The following FHIT variants were observed in gnomAD, a reference collection of about 807,000 sequenced individuals.
FHIT encodes bis(5'-adenosyl)-triphosphatase.
Under a neutral mutation model 17.9 loss-of-function variants are expected in FHIT, and 19 were observed. The ratio of observed to expected loss-of-function variants is 1.06; its 90% CI spans 0.74 to 1.56. The LOEUF (loss-of-function observed/expected upper bound fraction) is 1.56, where lower values mean the gene tolerates loss of function less well. FHIT is among the 40% of genes most tolerant of loss of function. The pLI, the probability that FHIT is intolerant of heterozygous loss-of-function variation, is 0.00. For missense variants in FHIT, 248 were observed against 189.2 expected, an observed-to-expected ratio of 1.31 and a Z score of -1.82; for synonymous variants, 81 against 69.7, an observed-to-expected ratio of 1.16 and a Z score of -0.81.
chr3:60,332,956 C>T (rs1179090635), intron 5 of FHIT, among the ~76,000 whole-genome samples: 2 of 152,136 alleles, frequency 1.3e-5, no homozygotes, highest in Non-Finnish European at 2.9e-5. Flanking sequence ...ACTTTAGGAA[C>T]AATTTATTTA....
chr3:60,609,281 G>A (rs908765273), intron 4 of FHIT, among the ~76,000 whole-genome samples: 1 of 152,068 alleles, frequency 6.6e-6, no homozygotes, highest in Non-Finnish European at 1.5e-5. Flanking sequence ...ACTGTCTAAG[G>A]CTGCCTATTC....
intron 5 of FHIT, among the ~76,000 whole-genome samples, chr3:60,163,577 G>A (rs762033716): frequency 2.6e-5 from 4 of 152,140 alleles, no homozygotes; most frequent in Non-Finnish European, 5.9e-5. Context: ...CCACCTTGCT[G>A]ACTCCTGCTC....
At chr3:60,279,595 A>T (rs895163934) in intron 5 of FHIT, among the ~76,000 whole-genome samples, 1 of 152,190 alleles carries the variant, frequency 6.6e-6, no homozygotes, top group East Asian at 1.9e-4. Context: ...ATCAGAATAC[A>T]CGTGCAAACC....
chr3:59,895,197 C>G (rs546453350), intron 8 of FHIT, among the ~76,000 whole-genome samples: 42 of 152,296 alleles, frequency 2.8e-4, no homozygotes, highest in African/African-American at 9.9e-4. Context: ...GTCAGTAGTG[C>G]CAAGACTGAG....
At chr3:60,233,327 G>A (rs1240912119) in intron 5 of FHIT, among the ~76,000 whole-genome samples, 1 of 152,078 alleles carries the variant, frequency 6.6e-6, no homozygotes, top group Admixed American at 6.5e-5. Flanking sequence ...CCAAACAGCT[G>A]TAACAGCCAT....
chr3:60,526,563 TC>T (rs2035583036), intron 5 of FHIT, among the ~76,000 whole-genome samples: 1 of 152,138 alleles, frequency 6.6e-6, no homozygotes, highest in Non-Finnish European at 1.5e-5. Context: ...TCATCTTTTT[TC>T]CCAGGAACAC....
At chr3:60,182,889 CA>C (rs199624542) in intron 5 of FHIT, among the ~76,000 whole-genome samples, 1,388 of 127,330 alleles carry the variant, frequency 0.011, 14 homozygotes, top group Middle Eastern at 0.02. Flanking sequence ...AGCAGAAAAA[CA>C]AAGTCAAAAA....
At chr3:60,512,443 C>G (rs2034987130) in intron 5 of FHIT, among the ~76,000 whole-genome samples, 1 of 152,236 alleles carries the variant, frequency 6.6e-6, no homozygotes, top group African/African-American at 2.4e-5. Flanking sequence ...TAACTCCATA[C>G]TTTCCACTTT....
intron 3 of FHIT, among the ~76,000 whole-genome samples, chr3:60,905,894 T>C (rs1462099627): frequency 1.3e-5 from 2 of 151,470 alleles, no homozygotes; most frequent in Non-Finnish European, 2.9e-5. Flanking sequence ...TCTTGAACAA[T>C]TTTTTTTTCT....
intron 4 of FHIT, among the ~76,000 whole-genome samples, chr3:60,635,606 T>C (rs2107781370): frequency 6.6e-6 from 1 of 152,340 alleles, no homozygotes; most frequent in Middle Eastern, 3.4e-3. Flanking sequence ...TGGTAAGTTG[T>C]AGATACTCCA....
chr3:60,446,662 G>A (rs1407467170), intron 5 of FHIT, among the ~76,000 whole-genome samples: 1 of 151,990 alleles, frequency 6.6e-6, no homozygotes, highest in East Asian at 1.9e-4. Flanking sequence ...GACCAGTCTG[G>A]TCAACATAGC....
rs78369836 is a variant in FHIT at position 60,212,290 on chromosome 3, G to A, written c.104-198138C>T. On this transcript the variant is annotated intron_variant, in intron 5 of 9. Coordinates refer to ENST00000492590, the MANE Select transcript of FHIT (RefSeq NM_002012.4). Reference sequence around the variant, plus strand: ...TATTTTCAGAAAATAAGCCTCTGAGGCACTCCCAACATAGGGACATGCAGC... The same window carrying A: ...TATTTTCAGAAAATAAGCCTCTGAGACACTCCCAACATAGGGACATGCAGC... Among the ~76,000 whole-genome samples the A allele has an allele frequency of 5.5e-3, 841 of 152,184 alleles. 11 individuals carry two copies. The highest frequency in any genetic ancestry group is 0.019 in the African/African-American group (803 of 41,530).
chr3:59,993,850 G>A (rs531078720), intron 7 of FHIT, among the ~76,000 whole-genome samples: 1 of 151,932 alleles, frequency 6.6e-6, no homozygotes, highest in African/African-American at 2.4e-5. Context: ...TTTAACATGG[G>A]GATAAAATTC....
intron 3 of FHIT, among the ~76,000 whole-genome samples, chr3:61,027,784 A>T (rs1429086943): frequency 6.6e-6 from 1 of 152,256 alleles, no homozygotes; most frequent in Non-Finnish European, 1.5e-5. Flanking sequence ...CAACCAAAGC[A>T]GTGTGTGAGA....
intron 3 of FHIT, among the ~76,000 whole-genome samples, chr3:60,935,596 T>C (rs1007237044): frequency 6.6e-6 from 1 of 152,316 alleles, no homozygotes; most frequent in East Asian, 1.9e-4. Flanking sequence ...CTTCTGGGCA[T>C]TGGATGTGTC....
chr3:61,209,974 G>A (rs60559507), intron 1 of FHIT, among the ~76,000 whole-genome samples: 12,668 of 152,074 alleles, frequency 0.083, 1,134 homozygotes, highest in East Asian at 0.4. Context: ...TGATGGTGAC[G>A]TACAGATGGG....
At chr3:60,107,243 T>C (rs1382366927) in intron 5 of FHIT, among the ~76,000 whole-genome samples, 1 of 148,044 alleles carries the variant, frequency 6.8e-6, no homozygotes, top group Non-Finnish European at 1.5e-5. Context: ...TAGATAAAAC[T>C]TTGCAGTAAA....
At chr3:61,020,287 A>T (rs1204503732) in intron 3 of FHIT, among the ~76,000 whole-genome samples, 2 of 152,220 alleles carry the variant, frequency 1.3e-5, no homozygotes, top group Non-Finnish European at 2.9e-5. Context: ...TCTAATGACC[A>T]GTGATGATGA....
chr3:60,244,018 T>G (rs1262788140), intron 5 of FHIT, among the ~76,000 whole-genome samples: 2 of 152,102 alleles, frequency 1.3e-5, no homozygotes, highest in Non-Finnish European at 2.9e-5. Context: ...TACACCATTC[T>G]CCTTTACTTC....
Sources: gnomAD v4.1 joint callset for allele counts (sites outside exome capture counted in the v4.1 genomes callset) on GRCh38, gnomAD v4.1.1 for gene constraint, MANE v1.5 for transcripts, NCBI Gene and HGNC (gene_info 2026-07-23, HGNC 2026-07-21) for gene names.